The following NLGN4X variants were observed in gnomAD, a reference collection of about 807,000 sequenced individuals.
NLGN4X encodes neuroligin-4, X-linked.
In NLGN4X, 3 loss-of-function variants were observed where a neutral mutation model predicts 40.3. That is an observed-to-expected ratio of 0.07 (90% CI 0.03 to 0.19). The LOEUF is 0.19. Among genes scored for constraint, NLGN4X ranks in the 10% least tolerant of loss-of-function variants. The pLI, the probability that NLGN4X is intolerant of heterozygous loss-of-function variation, is 1.00. For missense variants in NLGN4X, 382 were observed against 708.3 expected, an observed-to-expected ratio of 0.54 and a Z score of 5.23; for synonymous variants, 270 against 306.8, an observed-to-expected ratio of 0.88 and a Z score of 1.25.
At chrX:6,219,616 C>T (rs751669358) in intron 1 of NLGN4X, among the ~76,000 whole-genome samples, 1 of 106,254 alleles carries the variant, frequency 9.4e-6, no homozygotes, top group East Asian at 3.0e-4. Context: ...TTCCTCCCTT[C>T]GTTCCTCCAT....
intron 2 of NLGN4X, among the ~76,000 whole-genome samples, chrX:6,109,040 T>C (rs916953599): frequency 3.6e-5 from 4 of 112,267 alleles, no homozygotes; most frequent in Admixed American, 2.8e-4. Flanking sequence ...TGCAGGAAGA[T>C]TGCTTGAGGC....
At chrX:6,078,153 T>G (rs933975474) in intron 2 of NLGN4X, among the ~76,000 whole-genome samples, 4 of 111,765 alleles carry the variant, frequency 3.6e-5, no homozygotes, top group African/African-American at 1.3e-4. Flanking sequence ...ACATTAGATG[T>G]TATCGTTGCT....
chrX:5,893,574 T>C lies in NLGN4X; in HGVS notation c.1694A>G (p.Lys565Arg). The C allele has an allele frequency of 8.3e-7, 1 of 1,211,242 alleles. No individual in the cohort carries two copies. Among genetic ancestry groups the C allele is most frequent in the African/African-American group, 1.7e-5 (1 of 57,560 alleles). The change falls in exon 6 of 6, where the codon AAA becomes AGA. Residue 565 changes from lysine (K) to arginine (R), a missense_variant. By Grantham distance (26) the Lys-to-Arg change is conservative. Around this residue, in one of 5 missense-constraint regions of NLGN4X, gnomAD observed 149 missense variants for 375.8 expected, o/e 0.40. Coordinates refer to ENST00000381095, the MANE Select transcript of NLGN4X (RefSeq NM_181332.3). ...GCCAATATGCAGATAGAGCTGGTCT[T>C]TGGGATTATACTTGGACCAGGCCAC... is the stretch of plus-strand genomic sequence containing the variant. ...EEVAWSKYNP[K>R]DQLYLHIGLK...
chrX:5,953,445 A>T (rs1250644871), intron 3 of NLGN4X, among the ~76,000 whole-genome samples: 1 of 111,892 alleles, frequency 8.9e-6, no homozygotes, highest in Non-Finnish European at 1.9e-5. Flanking sequence ...TGTATATTTT[A>T]AAATAACTAA....
intron 3 of NLGN4X, among the ~76,000 whole-genome samples, chrX:6,016,031 A>AC (rs1219717758): frequency 1.8e-5 from 2 of 112,064 alleles, no homozygotes; most frequent in African/African-American, 6.5e-5. Context: ...ACTTAAAAGT[A>AC]CCCCTCCTAA....
rs548271425 is a variant in NLGN4X at position 5,959,743 on chromosome X, G to C, written c.626-50504C>G. Among the ~76,000 whole-genome samples the C allele has an allele frequency of 7.2e-5, 8 of 111,682 alleles. 1 individual carries two copies. The highest frequency in any genetic ancestry group is 2.6e-4 in the African/African-American group (8 of 30,808). On this transcript the variant is annotated intron_variant, in intron 3 of 5. Coordinates refer to ENST00000381095, the MANE Select transcript of NLGN4X (RefSeq NM_181332.3). ...GGGGTGGGCAAACCTGTCAGTTCTT[G>C]CTTTAAAATTTAATTACTGAAATAT...
intron 3 of NLGN4X, among the ~76,000 whole-genome samples, chrX:5,978,326 TTCTTTCTTTCTTTCTTTC>T (rs2035269461): frequency 3.4e-5 from 1 of 29,182 alleles, no homozygotes; most frequent in African/African-American, 1.8e-4. Flanking sequence ...CTTTCTTTCT[TTCTTTCTTTCTTTCTTTC>T]CCTTCCTTCT....
At chrX:6,005,264 A>C in intron 3 of NLGN4X, among the ~76,000 whole-genome samples, 1 of 112,271 alleles carries the variant, frequency 8.9e-6, no homozygotes, top group African/African-American at 3.2e-5. Context: ...GCATTGTGGA[A>C]GTAAAATGGC....
rs772033102 is a variant in NLGN4X, at chrX:6,054,395, G to A, written c.473-24963C>T. ...TTCGGAAGAACTAGGTGGGAGGATC[G>A]TATGAGGCCAGGAGTTCAAGACCAG... On this transcript the variant is annotated intron_variant, in intron 2 of 5. Coordinates refer to ENST00000381095, the MANE Select transcript of NLGN4X (RefSeq NM_181332.3). Among the ~76,000 whole-genome samples the A allele has an allele frequency of 5.4e-5, 6 of 110,764 alleles. No homozygotes were observed. The East Asian group carries it at 1.4e-3, about 26-fold the overall frequency.
In NLGN4X at chrX:6,201,247, A is replaced by G. The variant is rs772723303; in HGVS notation, c.-306+27294T>C. ...ATGAATAAGGTGTGGAGATGGGAAA[A>G]TAACAGTATTCCAGGTTGAAAGAGA... is the stretch of plus-strand genomic sequence containing the variant. On this transcript the variant is annotated intron_variant, in intron 1 of 5. Coordinates refer to ENST00000381095, the MANE Select transcript of NLGN4X (RefSeq NM_181332.3). Among the ~76,000 whole-genome samples the G allele has an allele frequency of 2.2e-4, 25 of 112,208 alleles. No individual in the cohort carries two copies. In the Admixed American group the frequency reaches 2.3e-3, roughly 10 times the overall value.
At chrX:5,917,212 C>T (rs1446119838) in intron 3 of NLGN4X, among the ~76,000 whole-genome samples, 2 of 112,552 alleles carry the variant, frequency 1.8e-5, no homozygotes, top group Non-Finnish European at 3.8e-5. Flanking sequence ...CAAAGCTGCA[C>T]GGCTAGCTCA....
intron 3 of NLGN4X, among the ~76,000 whole-genome samples, chrX:5,948,566 A>G (rs1272505093): frequency 8.9e-6 from 1 of 111,885 alleles, no homozygotes; most frequent in African/African-American, 3.2e-5. Flanking sequence ...TGAGTGAGTC[A>G]TTCAAAGAGT....
chrX:6,114,826 C>G (rs1394613456), intron 2 of NLGN4X, among the ~76,000 whole-genome samples: 2 of 111,256 alleles, frequency 1.8e-5, no homozygotes, highest in Non-Finnish European at 1.9e-5. Flanking sequence ...TTCCACATTT[C>G]TGCCTTGTCA....
At chrX:5,960,278 A>C (rs2034618535) in intron 3 of NLGN4X, among the ~76,000 whole-genome samples, 1 of 109,967 alleles carries the variant, frequency 9.1e-6, no homozygotes. Context: ...AAAAACACTA[A>C]AAAGAAATAT....
intron 3 of NLGN4X, among the ~76,000 whole-genome samples, chrX:5,999,313 A>C (rs185097826): frequency 8.9e-6 from 1 of 112,422 alleles, no homozygotes; most frequent in African/African-American, 3.2e-5. Flanking sequence ...TTCAACCTAA[A>C]TAAATCTAAG....
At chrX:6,092,482 C>T (rs1487708841) in intron 2 of NLGN4X, among the ~76,000 whole-genome samples, 9 of 112,086 alleles carry the variant, frequency 8.0e-5, no homozygotes, top group Admixed American at 6.6e-4. Context: ...AGAAGGAAAG[C>T]GAACCTACCT....
chrX:5,892,315 C>T lies in NLGN4X; in HGVS notation c.*502G>A. 6.2e-6 allele frequency: 1 copy of T among 161,184 alleles called. No homozygotes were observed. Among genetic ancestry groups the T allele is most frequent in the South Asian group, 1.4e-4 (1 of 7,087 alleles). The allele number at this position is 161,184 out of a possible 1,213,427, so 13.3% of individuals were successfully genotyped here. A position where few individuals can be genotyped will look rare whatever the true frequency, so the allele number is the denominator to read the frequency against. On this transcript the variant is annotated 3_prime_UTR_variant, in exon 6 of 6. Transcript: ENST00000381095. ...ATAATAAATTTCTACGTTTCCTTCT[C>T]TCTGGATTACAGCTCCATGTGCTGG...
intron 1 of NLGN4X, among the ~76,000 whole-genome samples, chrX:6,211,146 T>C (rs1261060982): frequency 4.5e-5 from 5 of 111,993 alleles, no homozygotes; most frequent in African/African-American, 9.7e-5. Flanking sequence ...AGAAATTTTC[T>C]GTAGTAAAAT....
intron 2 of NLGN4X, among the ~76,000 whole-genome samples, chrX:6,090,135 CTAA>C (rs2038601873): frequency 9.0e-6 from 1 of 111,501 alleles, no homozygotes; most frequent in Non-Finnish European, 1.9e-5. Flanking sequence ...AAGTACGCTA[CTAA>C]TGTCTTTTTA....
Sources: allele counts gnomAD v4.1 joint callset (sites outside exome capture counted in the v4.1 genomes callset), GRCh38; gene constraint gnomAD v4.1.1; regional missense constraint gnomAD v4.1.1; transcripts MANE v1.5; gene names NCBI Gene and HGNC (gene_info 2026-07-23, HGNC 2026-07-21).